Variants in GRXCR1 observed in about 807,000 individuals in gnomAD.
GRXCR1 encodes the protein glutaredoxin and cysteine rich domain containing 1.
In GRXCR1, 27 loss-of-function variants were observed where a neutral mutation model predicts 27.3. The observed-to-expected ratio is 0.99, with a 90% CI of 0.73 to 1.37. The LOEUF is 1.37. Ranked by LOEUF, GRXCR1 falls within the 40% of genes most tolerant of loss-of-function variation. The probability of loss-of-function intolerance (pLI) is 0.00; values close to 1 mark genes in which losing one functional copy is unlikely to be tolerated. For missense variants in GRXCR1, 379 were observed against 354.4 expected, an observed-to-expected ratio of 1.07 and a Z score of -0.56; for synonymous variants, 122 against 131.1, an observed-to-expected ratio of 0.93 and a Z score of 0.47.
intron 2 of GRXCR1, among the ~76,000 whole-genome samples, chr4:43,011,391 C>T (rs1712745682): frequency 6.6e-6 from 1 of 152,122 alleles, no homozygotes; most frequent in Non-Finnish European, 1.5e-5. Flanking sequence ...TGCCTCTGCT[C>T]CCTTCCTCCT....
intron 1 of GRXCR1, among the ~76,000 whole-genome samples, chr4:42,943,433 T>G (rs1747667951): frequency 6.6e-6 from 1 of 152,054 alleles, no homozygotes; most frequent in East Asian, 1.9e-4. Flanking sequence ...TACACAATTT[T>G]ATGGATCGCT....
intron 3 of GRXCR1, among the ~76,000 whole-genome samples, chr4:43,029,120 C>T (rs909999993): frequency 1.8e-4 from 27 of 152,188 alleles, no homozygotes; most frequent in African/African-American, 6.5e-4. Context: ...CAAAGTACAT[C>T]CCACAGGTTA....
intron 2 of GRXCR1, among the ~76,000 whole-genome samples, chr4:43,017,947 T>C (rs184817537): frequency 1.3e-5 from 2 of 152,208 alleles, no homozygotes. Context: ...GATTGAGATT[T>C]ACCCCGATAA....
intron 2 of GRXCR1, among the ~76,000 whole-genome samples, chr4:42,985,955 T>C (rs1711711557): frequency 6.6e-6 from 1 of 152,226 alleles, no homozygotes; most frequent in South Asian, 2.1e-4. Context: ...TTATTTTCCA[T>C]AAACATCTAG....
intron 1 of GRXCR1, among the ~76,000 whole-genome samples, chr4:42,903,923 G>A (rs1257606102): frequency 6.6e-6 from 1 of 152,084 alleles, no homozygotes; most frequent in Non-Finnish European, 1.5e-5. Context: ...AAGAGTCTTT[G>A]CCTCTCTCCT....
intron 2 of GRXCR1, among the ~76,000 whole-genome samples, chr4:43,009,129 T>C (rs1033458021): frequency 3.3e-5 from 5 of 152,228 alleles, no homozygotes; most frequent in Non-Finnish European, 5.9e-5. Context: ...TATGAAGGAA[T>C]ACCAGGCTTT....
At chr4:42,969,083 G>T (rs1390337401) in intron 2 of GRXCR1, among the ~76,000 whole-genome samples, 2 of 152,074 alleles carry the variant, frequency 1.3e-5, no homozygotes, top group Non-Finnish European at 2.9e-5. Flanking sequence ...CTGCAGAGAT[G>T]GTGGGGAGCC....
At chr4:42,936,912 A>G (rs1747473999) in intron 1 of GRXCR1, among the ~76,000 whole-genome samples, 1 of 151,892 alleles carries the variant, frequency 6.6e-6, no homozygotes. Flanking sequence ...GTTAAACTTG[A>G]TCCCTGGATG....
intron 2 of GRXCR1, among the ~76,000 whole-genome samples, chr4:42,989,205 G>GA (rs1711877594): frequency 6.6e-6 from 1 of 152,184 alleles, no homozygotes; most frequent in Non-Finnish European, 1.5e-5. Context: ...TTTGGAGGCT[G>GA]AAAGTCCAAG....
intron 2 of GRXCR1, among the ~76,000 whole-genome samples, chr4:43,005,280 C>A (rs1712519014): frequency 6.6e-6 from 1 of 152,190 alleles, no homozygotes; most frequent in African/African-American, 2.4e-5. Context: ...GTCAATTAAA[C>A]CTCTTTTCTT....
chr4:42,924,295 A>G (rs1452445417), intron 1 of GRXCR1, among the ~76,000 whole-genome samples: 1 of 151,980 alleles, frequency 6.6e-6, no homozygotes, highest in Admixed American at 6.6e-5. Flanking sequence ...TGTATAATAA[A>G]CACACATATG....
chr4:42,998,729 T>C (rs1712256199), intron 2 of GRXCR1, among the ~76,000 whole-genome samples: 1 of 152,202 alleles, frequency 6.6e-6, no homozygotes, highest in African/African-American at 2.4e-5. Context: ...AGGCAGAGGG[T>C]CTTGTTTCAA....
intron 1 of GRXCR1, among the ~76,000 whole-genome samples, chr4:42,953,541 C>T (rs1747930958): frequency 6.6e-6 from 1 of 152,140 alleles, no homozygotes; most frequent in South Asian, 2.1e-4. Context: ...TCTAGTTCCC[C>T]AGCTGGTGGG....
chr4:42,952,283 C>A (rs182249631), intron 1 of GRXCR1, among the ~76,000 whole-genome samples: 2 of 152,220 alleles, frequency 1.3e-5, no homozygotes, highest in Admixed American at 1.3e-4. Flanking sequence ...ATGTTCCCAC[C>A]ACTTTTCTAG....
intron 1 of GRXCR1, among the ~76,000 whole-genome samples, chr4:42,905,958 G>A (rs890841363): frequency 6.6e-6 from 1 of 152,122 alleles, no homozygotes; most frequent in African/African-American, 2.4e-5. Context: ...AATTTTTCTT[G>A]TATGTAATTT....
At chr4:42,976,016 T>C (rs1468247428) in intron 2 of GRXCR1, among the ~76,000 whole-genome samples, 1 of 152,156 alleles carries the variant, frequency 6.6e-6, no homozygotes, top group Non-Finnish European at 1.5e-5. Flanking sequence ...TCTGTCTTTA[T>C]CATTTCACAG....
chr4:42,964,062 A>C (rs1397902401), intron 2 of GRXCR1, among the ~76,000 whole-genome samples: 2 of 151,996 alleles, frequency 1.3e-5, no homozygotes, highest in Admixed American at 6.6e-5. Flanking sequence ...AATGTAGAGA[A>C]GCTGTGATTC....
intron 2 of GRXCR1, among the ~76,000 whole-genome samples, chr4:43,012,241 A>G (rs1402895372): frequency 6.6e-6 from 1 of 152,202 alleles, no homozygotes; most frequent in Non-Finnish European, 1.5e-5. Context: ...AGAACACTTT[A>G]TGTATTCTAC....
chr4:42,976,522 A>T (rs1186773422), intron 2 of GRXCR1, among the ~76,000 whole-genome samples: 1 of 151,982 alleles, frequency 6.6e-6, no homozygotes, highest in Non-Finnish European at 1.5e-5. Flanking sequence ...GTAAATTATT[A>T]TGACATGATC....
Sources: gnomAD v4.1 joint callset for allele counts (sites outside exome capture counted in the v4.1 genomes callset) on GRCh38, gnomAD v4.1.1 for gene constraint, MANE v1.5 for transcripts, NCBI Gene and HGNC (gene_info 2026-07-23, HGNC 2026-07-21) for gene names.